The following PADI4 variants were observed in gnomAD, a reference collection of about 807,000 sequenced individuals.
PADI4 encodes the protein peptidyl arginine deiminase 4.
A neutral mutation model predicts 75.0 loss-of-function variants in PADI4; 62 were observed. That is an observed-to-expected ratio of 0.83 (90% CI 0.67 to 1.02). The LOEUF is 1.02. Ranked by LOEUF, PADI4 falls within the 50% of genes least tolerant of loss-of-function variation. The probability of loss-of-function intolerance (pLI) is 0.00; values close to 1 mark genes in which losing one functional copy is unlikely to be tolerated. For missense variants in PADI4, 845 were observed against 850.5 expected (o/e 0.99, Z 0.08); for synonymous variants, 361 against 348.1 (o/e 1.04, Z -0.41).
chr1:17,324,139 A>T (rs990374027), intron 1 of PADI4, among the ~76,000 whole-genome samples: 2 of 147,518 alleles, frequency 1.4e-5, no homozygotes, highest in Admixed American at 1.3e-4. Flanking sequence ...TAATAACACC[A>T]AGTTGGGTTT....
chr1:17,357,361 G>A (rs1217934119), intron 13 of PADI4, among the ~76,000 whole-genome samples: 1 of 152,016 alleles, frequency 6.6e-6, no homozygotes, highest in African/African-American at 2.4e-5. Flanking sequence ...TAGAGATGGG[G>A]TTTTGCCATG....
At position 17,341,952 on chromosome 1, in the gene PADI4, T is replaced by G. The variant is rs1208713146; in HGVS notation, c.662T>G (p.Leu221Arg). 5.0e-6 allele frequency: 8 copies of G among 1,613,508 alleles called. No individual in the cohort carries two copies. In the Middle Eastern group the frequency reaches 1.2e-3, roughly 232 times the overall value. The change falls in exon 7 of 16, where the codon CTG (leucine) becomes CGG (arginine). Residue 221 changes from leucine to arginine, a missense_variant. By Grantham distance (102) the Leu-to-Arg change is moderately radical. Transcript: ENST00000375448. ...CCTGCCTCTCTCCTAGGGGGCAAAC[T>G]GTCCTCCAAGTGCAGCGTAGTCTTG... is the stretch of plus-strand genomic sequence containing the variant. The part of the protein sequence containing the change: ...VRVFQATRGK[L>R]SSKCSVVLGP...
intron 1 of PADI4, among the ~76,000 whole-genome samples, chr1:17,315,467 C>A (rs555226337): frequency 6.6e-6 from 1 of 151,858 alleles, no homozygotes; most frequent in Non-Finnish European, 1.5e-5. Flanking sequence ...CAAGAGCAGG[C>A]GGAGGATAAA....
At chr1:17,327,455 A>G (rs554681685) in intron 1 of PADI4, among the ~76,000 whole-genome samples, 7 of 152,112 alleles carry the variant, frequency 4.6e-5, no homozygotes, top group African/African-American at 1.7e-4. Context: ...TGTGTTTCTT[A>G]TAATCAGTAT....
chr1:17,316,733 A>ATT (rs1557539779), intron 1 of PADI4, among the ~76,000 whole-genome samples: 1 of 148,406 alleles, frequency 6.7e-6, no homozygotes, highest in African/African-American at 2.6e-5. Flanking sequence ...TAATTAATTA[A>ATT]AATAAATAAA....
At chr1:17,329,420 A>G (rs916471511) in intron 1 of PADI4, among the ~76,000 whole-genome samples, 2 of 152,208 alleles carry the variant, frequency 1.3e-5, no homozygotes, top group Non-Finnish European at 2.9e-5. Flanking sequence ...CCAGTAACAT[A>G]AACAGTTGAT....
intron 6 of PADI4, 102 bp from the exon 7 acceptor site, chr1:17,341,841 A>C: frequency 1.2e-6 from 1 of 819,832 alleles, no homozygotes; most frequent in Non-Finnish European, 2.0e-6. Context: ...TGATGGTGCC[A>C]TGTGGTGACC....
In PADI4 at chr1:17,348,059, G is replaced by A. The variant is rs2074551307; in HGVS notation, c.1155+11G>A. On this transcript the variant is annotated intron_variant, in intron 10 of 15. Transcript: ENST00000375448. ...ATCAAACGCGTGATGGTACCTGCAT[G>A]GGGTGGGGAGGGGGCACAGCTGCCG... The A allele has an allele frequency of 1.3e-6, 2 of 1,507,738 alleles. No homozygotes were observed. Among genetic ancestry groups the A allele is most frequent in the Non-Finnish European group, 9.2e-7 (1 of 1,083,652 alleles). The allele number at this position is 1,507,738 out of a possible 1,614,324, so 93.4% of individuals were successfully genotyped here.
chr1:17,352,101 T>C (rs1157555508), intron 10 of PADI4, among the ~76,000 whole-genome samples: 37 of 97,702 alleles, frequency 3.8e-4, no homozygotes, highest in African/African-American at 6.7e-4. Flanking sequence ...TGATGGGAGG[T>C]GGTAGGAGAG....
rs143187209 is a variant in PADI4 at position 17,331,141 on chromosome 1, G to T, written c.265G>T (p.Asp89Tyr). Residue 89 changes from aspartate (D) to tyrosine (Y), a missense_variant, in exon 2 of 16, where the codon GAC (aspartate) becomes TAC (tyrosine). By Grantham distance (160) the Asp-to-Tyr change is radical. Transcript: ENST00000375448. ...TMKVASGSTG[D>Y]QKVQISYYGP... ...GAAAGTGGCCAGTGGTAGCACAGGC[G>T]ACCAGAAGGTGAGTGTCATAGCTGT... The T allele has an allele frequency of 6.2e-7, 1 of 1,609,580 alleles. No homozygotes were observed. Among genetic ancestry groups the T allele is most frequent in the South Asian group, 1.1e-5 (1 of 90,206 alleles).
rs1413826157 is a variant in PADI4 at position 17,328,151 on chromosome 1, G to T, written c.93-2818G>T. ...TGATCCTCTTTCCTCAGCATTTTGA[G>T]TATCCATGACTACAGGCACAAGCCA... On this transcript the variant is annotated intron_variant, in intron 1 of 15. Coordinates refer to ENST00000375448, the MANE Select transcript of PADI4 (RefSeq NM_012387.3). 3.3e-5 allele frequency among the ~76,000 whole-genome samples: 5 copies of T among 152,054 alleles called. No homozygotes were observed. The East Asian group carries it at 9.8e-4, about 30-fold the overall frequency.
chr1:17,328,732 T>C (rs991287566), intron 1 of PADI4, among the ~76,000 whole-genome samples: 7 of 152,228 alleles, frequency 4.6e-5, no homozygotes, highest in Admixed American at 1.3e-4. Context: ...CTCAAAATAC[T>C]TCAACTCTCT....
rs543183778 is a variant in PADI4, at chr1:17,335,197, C to T, written c.341-962C>T. On this transcript the variant is annotated intron_variant, in intron 3 of 15. Coordinates refer to ENST00000375448, the MANE Select transcript of PADI4 (RefSeq NM_012387.3). ...TATAATATGTAGCATATAGAATCTT[C>T]AGGTTTCATTTCATTAATGCATTTC... 1.1e-4 allele frequency among the ~76,000 whole-genome samples: 16 copies of T among 152,134 alleles called. 1 individual carries two copies. Among genetic ancestry groups the T allele is most frequent in the African/African-American group, 3.9e-4 (16 of 41,500 alleles).
At chr1:17,309,212 ACTGC>A (rs2073734110) in intron 1 of PADI4, among the ~76,000 whole-genome samples, 1 of 150,926 alleles carries the variant, frequency 6.6e-6, no homozygotes. Context: ...TTAAAAATTA[ACTGC>A]CTGTTTTTTT....
At chr1:17,347,772 G>A (rs1013862798) in intron 9 of PADI4, among the ~76,000 whole-genome samples, 169 bp from the exon 10 acceptor site, 3 of 152,204 alleles carry the variant, frequency 2.0e-5, no homozygotes, top group African/African-American at 7.2e-5. Context: ...CAAACAGGGG[G>A]CAATAAGCTC....
chr1:17,322,490 C>CT (rs974611877), intron 1 of PADI4, among the ~76,000 whole-genome samples: 4 of 121,328 alleles, frequency 3.3e-5, no homozygotes, highest in Non-Finnish European at 6.9e-5. Context: ...CTCCATCCCC[C>CT]CCCAAAAAAA....
chr1:17,358,679 T>C (rs2428735), intron 13 of PADI4, among the ~76,000 whole-genome samples, 159 bp from the exon 14 acceptor site: 112,792 of 151,592 alleles, frequency 0.74, 42,654 homozygotes, highest in African/African-American at 0.87. Flanking sequence ...GTATTAAAGA[T>C]ATTTGACTTG....
At chr1:17,351,656 T>A (rs2074626873) in intron 10 of PADI4, among the ~76,000 whole-genome samples, 1 of 143,826 alleles carries the variant, frequency 7.0e-6, no homozygotes. Context: ...AATAGGATGG[T>A]CAGGGTGGGC....
rs1457404475 is a variant in PADI4 at position 17,341,998 on chromosome 1, C to G, written c.708C>G (p.His236Gln). 1.2e-6 allele frequency: 2 copies of G among 1,613,984 alleles called. No homozygotes were observed. Among genetic ancestry groups the G allele is most frequent in the African/African-American group, 2.7e-5 (2 of 74,924 alleles). The part of the protein sequence containing the change: ...SVVLGPKWPS[H>Q]YLMVPGGKHN... ...TCTTGGGTCCCAAGTGGCCCTCTCA[C>G]TACCTGATGGTCCCCGGTGGAAAGC... is the stretch of plus-strand genomic sequence containing the variant. The change falls in exon 7 of 16, where the codon CAC (histidine) becomes CAG (glutamine). Residue 236 changes from histidine (H) to glutamine (Q), a missense_variant. By Grantham distance (24) the His-to-Gln change is conservative. Coordinates refer to ENST00000375448, the MANE Select transcript of PADI4 (RefSeq NM_012387.3).
Sources: gnomAD v4.1 joint callset for allele counts (sites outside exome capture counted in the v4.1 genomes callset) on GRCh38, gnomAD v4.1.1 for gene constraint, MANE v1.5 for transcripts, NCBI Gene and HGNC (gene_info 2026-07-23, HGNC 2026-07-21) for gene names.